KCND2: variants seen among roughly 807,000 people sequenced by gnomAD.
The protein encoded by KCND2 is potassium voltage-gated channel subfamily D member 2, also known as A-type voltage-gated potassium channel KCND2.
Under a neutral mutation model 54.4 loss-of-function variants are expected in KCND2, and 16 were observed. The ratio of observed to expected loss-of-function variants is 0.29; its 90% confidence interval spans 0.20 to 0.45. KCND2 has a LOEUF of 0.45. Among genes scored for constraint, KCND2 ranks in the 20% least tolerant of loss-of-function variants. The pLI, the probability that KCND2 is intolerant of heterozygous loss-of-function variation, is 1.00. For synonymous variants in KCND2, 317 were observed against 310.7 expected, an observed-to-expected ratio of 1.02 and a Z score of -0.21; for missense variants, 486 against 824.2, an observed-to-expected ratio of 0.59 and a Z score of 5.02.
intron 1 of KCND2, among the ~76,000 whole-genome samples, chr7:120,666,046 GTCTT>G (rs1291475642): frequency 2.0e-5 from 3 of 152,174 alleles, no homozygotes; most frequent in African/African-American, 7.2e-5. Flanking sequence ...TTGTAGGTAA[GTCTT>G]TCAAAAAATT....
intron 1 of KCND2, among the ~76,000 whole-genome samples, chr7:120,553,361 A>T (rs555442319): frequency 5.9e-5 from 9 of 152,302 alleles, no homozygotes; most frequent in African/African-American, 2.2e-4. Flanking sequence ...ATGACATTCC[A>T]TATCTGTAGC....
intron 1 of KCND2, among the ~76,000 whole-genome samples, chr7:120,564,758 A>G (rs1006099092): frequency 6.6e-6 from 1 of 152,200 alleles, no homozygotes; most frequent in Admixed American, 6.5e-5. Context: ...TATAGAGTTT[A>G]TAATAAACTA....
intron 1 of KCND2, among the ~76,000 whole-genome samples, chr7:120,440,262 T>G (rs1454141295): frequency 1.3e-5 from 2 of 152,070 alleles, no homozygotes; most frequent in Non-Finnish European, 2.9e-5. Flanking sequence ...TTTTAAAATA[T>G]ATCTGTTGGC....
chr7:120,688,541 G>C (rs954636463), intron 1 of KCND2, among the ~76,000 whole-genome samples: 2 of 152,152 alleles, frequency 1.3e-5, no homozygotes, highest in African/African-American at 4.8e-5. Flanking sequence ...AGGCCCTGGA[G>C]ACCTGACATC....
At chr7:120,521,831 A>G (rs913867560) in intron 1 of KCND2, among the ~76,000 whole-genome samples, 2 of 152,158 alleles carry the variant, frequency 1.3e-5, no homozygotes, top group African/African-American at 4.8e-5. Flanking sequence ...TTGTAGTGTT[A>G]TAGCAAAACA....
intron 1 of KCND2, among the ~76,000 whole-genome samples, chr7:120,516,822 A>G (rs1803203714): frequency 6.6e-6 from 1 of 152,282 alleles, no homozygotes; most frequent in African/African-American, 2.4e-5. Flanking sequence ...GAGCTTTTTA[A>G]TAGAGGGAAC....
chr7:120,739,316 C>A (rs896542014), intron 2 of KCND2, among the ~76,000 whole-genome samples: 2 of 151,918 alleles, frequency 1.3e-5, no homozygotes, highest in Non-Finnish European at 2.9e-5. Context: ...GAAATTTCAA[C>A]AATAATCCCT....
chr7:120,423,916 A>G (rs1801663613), intron 1 of KCND2, among the ~76,000 whole-genome samples: 1 of 152,220 alleles, frequency 6.6e-6, no homozygotes, highest in African/African-American at 2.4e-5. Context: ...ACTTTTGAAT[A>G]GAGAGATCCT....
chr7:120,645,866 C>T (rs1425755807), intron 1 of KCND2, among the ~76,000 whole-genome samples: 3 of 152,174 alleles, frequency 2.0e-5, no homozygotes, highest in African/African-American at 7.2e-5. Context: ...AAAATAGCTT[C>T]ACATTCATAT....
chr7:120,286,911 T>C (rs910593971), intron 1 of KCND2, among the ~76,000 whole-genome samples: 3 of 152,008 alleles, frequency 2.0e-5, no homozygotes, highest in Non-Finnish European at 2.9e-5. Flanking sequence ...CAGAAAGTGA[T>C]GGAGAATAAA....
intron 1 of KCND2, among the ~76,000 whole-genome samples, chr7:120,677,723 G>A (rs958769469): frequency 7.2e-5 from 11 of 151,756 alleles, no homozygotes; most frequent in African/African-American, 1.9e-4. Flanking sequence ...TTGAGACTTC[G>A]CCTCTGATGA....
intron 1 of KCND2, among the ~76,000 whole-genome samples, chr7:120,620,583 T>C (rs1228942842): frequency 6.6e-6 from 1 of 152,168 alleles, no homozygotes; most frequent in African/African-American, 2.4e-5. Context: ...ATCAACTTAT[T>C]GTCCAGGAAT....
intron 1 of KCND2, among the ~76,000 whole-genome samples, chr7:120,293,020 T>C (rs1211771565): frequency 1.3e-5 from 2 of 151,880 alleles, no homozygotes; most frequent in African/African-American, 2.4e-5. Context: ...GGTCATGTGG[T>C]AAAATATCAG....
intron 1 of KCND2, among the ~76,000 whole-genome samples, chr7:120,304,474 G>T (rs1217449076): frequency 6.6e-6 from 1 of 152,132 alleles, no homozygotes; most frequent in African/African-American, 2.4e-5. Flanking sequence ...CATGCCGGCA[G>T]CATTGGCATC....
intron 1 of KCND2, among the ~76,000 whole-genome samples, chr7:120,678,738 GTATA>G (rs66483423): frequency 0.34 from 39,402 of 114,726 alleles, 7,572 homozygotes; most frequent in East Asian, 0.45. Context: ...GTGTGTGAGT[GTATA>G]TATATATATA....
intron 1 of KCND2, among the ~76,000 whole-genome samples, chr7:120,543,668 A>C (rs1792010092): frequency 6.6e-6 from 1 of 152,014 alleles, no homozygotes; most frequent in African/African-American, 2.4e-5. Context: ...AACAGAGACT[A>C]TTGTAATGTA....
intron 1 of KCND2, among the ~76,000 whole-genome samples, chr7:120,585,654 C>A (rs920119621): frequency 1.3e-5 from 2 of 152,000 alleles, no homozygotes; most frequent in African/African-American, 4.8e-5. Context: ...AGGTGTCATC[C>A]ATATAAATAG....
intron 1 of KCND2, among the ~76,000 whole-genome samples, chr7:120,553,633 A>G (rs753695353): frequency 1.3e-5 from 2 of 152,194 alleles, no homozygotes; most frequent in Non-Finnish European, 2.9e-5. Flanking sequence ...TTGATAAATT[A>G]TCATCTCCAT....
chr7:120,580,587 T>C (rs751813068), intron 1 of KCND2, among the ~76,000 whole-genome samples: 1 of 152,232 alleles, frequency 6.6e-6, no homozygotes, highest in Non-Finnish European at 1.5e-5. Context: ...CTGTACCAAA[T>C]GTCTAATGTT....
Sources: gnomAD v4.1 joint callset for allele counts (sites outside exome capture counted in the v4.1 genomes callset) on GRCh38, gnomAD v4.1.1 for gene constraint, MANE v1.5 for transcripts, NCBI Gene and HGNC (gene_info 2026-07-23, HGNC 2026-07-21) for gene names.